SENP7: variants seen among roughly 807,000 people sequenced by gnomAD.
SENP7 encodes SUMO specific peptidase 7.
A neutral mutation model predicts 141.2 loss-of-function variants in SENP7; 64 were observed. The observed-to-expected ratio is 0.45, with a 90% CI of 0.37 to 0.56. SENP7 has a LOEUF of 0.56. Among genes scored for constraint, SENP7 ranks in the 20% least tolerant of loss-of-function variants. The pLI is 0.00. For missense variants in SENP7, 1,025 were observed against 1,212.2 expected, an observed-to-expected ratio of 0.85 and a Z score of 2.29; for synonymous variants, 382 against 426.4, an observed-to-expected ratio of 0.90 and a Z score of 1.28.
At chr3:101,471,089 T>C (rs1372670711) in intron 3 of SENP7, among the ~76,000 whole-genome samples, 1 of 152,220 alleles carries the variant, frequency 6.6e-6, no homozygotes, top group Non-Finnish European at 1.5e-5. Context: ...AAGTAATTTA[T>C]AGATTCAATG....
intron 6 of SENP7, among the ~76,000 whole-genome samples, chr3:101,392,512 T>C (rs1915310): frequency 0.4 from 60,486 of 151,848 alleles, 12,548 homozygotes; most frequent in Admixed American, 0.54. Context: ...AAATTGGAAA[T>C]TACAAAACAC....
chr3:101,418,254 T>A lies in SENP7; in HGVS notation c.285-464A>T, dbSNP rs535264100. Among the ~76,000 whole-genome samples, 175 of 152,238 alleles carry A rather than the reference T, an allele frequency of 1.1e-3. No homozygotes were observed. The Middle Eastern group carries it at 0.021, about 18-fold the overall frequency. ...GGCTATACAGTCTTAAGATACAGAT[T>A]TAATTTTATCTTATTTCTAAAATAG... On this transcript the variant is annotated intron_variant, in intron 4 of 23. Transcript: ENST00000394095.
At chr3:101,361,922 T>C (rs1224962045) in intron 10 of SENP7, 61 bp from the exon 11 acceptor site, 5 of 1,487,400 alleles carry the variant, frequency 3.4e-6, no homozygotes, top group Non-Finnish European at 4.5e-6. Flanking sequence ...ATGCTGAAAA[T>C]GACTTTCACC....
chr3:101,442,845 A>AT (rs2062732789), intron 4 of SENP7, among the ~76,000 whole-genome samples: 1 of 147,690 alleles, frequency 6.8e-6, no homozygotes, highest in African/African-American at 2.5e-5. Flanking sequence ...AACCAGTCAG[A>AT]CAAAAAAAAA....
chr3:101,361,783 G>A lies in SENP7; in HGVS notation c.1555C>T (p.Gln519Ter). 6.2e-7 allele frequency: 1 copy of A among 1,608,560 alleles called. No homozygotes were observed. The highest frequency in any genetic ancestry group is 8.5e-7 in the Non-Finnish European group (1 of 1,178,020). ...ACAGAAGTAAATATAAAATCCAGTT[G>A]TAGATCCATCTCATTACTAGGCATA... ...SIMPSNEMDLQLDFIFTSVYI... is the reference protein window; with the variant it reads ...SIMPSNEMDL Residue 519 changes from glutamine (Q) to a stop codon, truncating the protein, a stop_gained, in exon 11 of 24, where the codon CAA becomes TAA. Coordinates refer to ENST00000394095, the MANE Select transcript of SENP7 (RefSeq NM_020654.5). LOFTEE classifies it high-confidence loss of function.
rs989097471 is a variant in SENP7 at position 101,403,942 on chromosome 3, A to G, written c.483-4887T>C. On this transcript the variant is annotated intron_variant, in intron 5 of 23. Transcript: ENST00000394095. ...CAGAGAAGACACAAACAAATGGAAAAACATCCCAGGCTCATGGATAGAAAG... is the reference window on the plus strand; with the variant it reads ...CAGAGAAGACACAAACAAATGGAAAGACATCCCAGGCTCATGGATAGAAAG... 9.2e-5 allele frequency among the ~76,000 whole-genome samples: 14 copies of G among 152,178 alleles called. 1 individual carries two copies. The highest frequency in any genetic ancestry group is 5.2e-4 in the Admixed American group (8 of 15,276).
At chr3:101,366,790 A>C (rs1559725878) in intron 8 of SENP7, 21 bp from the exon 9 acceptor site, 1 of 1,495,536 alleles carries the variant, frequency 6.7e-7, no homozygotes, top group Non-Finnish European at 9.0e-7. Context: ...ACACATAGAA[A>C]AAAATAGCAT....
intron 5 of SENP7, among the ~76,000 whole-genome samples, chr3:101,401,373 A>T (rs1156505180): frequency 6.6e-6 from 1 of 151,694 alleles, no homozygotes; most frequent in Admixed American, 6.6e-5. Context: ...TACTAAAAAT[A>T]CAGAAATTAG....
At chr3:101,463,370 T>TATATATATATATATATATATATATATAC (rs1261889817) in intron 3 of SENP7, among the ~76,000 whole-genome samples, 61 of 83,554 alleles carry the variant, frequency 7.3e-4, no homozygotes, top group Non-Finnish European at 1.1e-3. Flanking sequence ...AATAAATATA[T>TATATATATATATATATATATATATATAC]ATATATATAT....
At chr3:101,381,101 C>T (rs115662134) in intron 6 of SENP7, among the ~76,000 whole-genome samples, 1,616 of 152,170 alleles carry the variant, frequency 0.011, 16 homozygotes, top group Middle Eastern at 0.031. Flanking sequence ...AATTCTAAGG[C>T]GAATGCATGG....
Position 101,492,909 on chromosome 3 carries a change from C to A in SENP7, c.186+964G>T, listed in dbSNP as rs962828785. Among the ~76,000 whole-genome samples, 4 of 151,984 alleles carry A rather than the reference C, an allele frequency of 2.6e-5. No homozygotes were observed. The East Asian group carries it at 7.7e-4, about 29-fold the overall frequency. On this transcript the variant is annotated intron_variant, in intron 3 of 23. Coordinates refer to ENST00000394095, the MANE Select transcript of SENP7 (RefSeq NM_020654.5). Reference sequence around the variant, plus strand: ...CAGGAGGCTGGGCAGCAAGATCACTCGAGCCCAGGAGTTCAAGGATTCAAT... The same window carrying A: ...CAGGAGGCTGGGCAGCAAGATCACTAGAGCCCAGGAGTTCAAGGATTCAAT...
rs1006894460 is a variant in SENP7, at chr3:101,398,982, T to G, written c.556A>C (p.Thr186Pro). The G allele has an allele frequency of 1.9e-6, 3 of 1,613,702 alleles. No individual in the cohort carries two copies. The highest frequency in any genetic ancestry group is 2.5e-6 in the Non-Finnish European group (3 of 1,179,788). The change falls in exon 6 of 24, where the codon ACT (threonine) becomes CCT (proline). Residue 186 changes from threonine to proline, a missense_variant. By Grantham distance (38) the Thr-to-Pro change is conservative (BLOSUM62 -1). Coordinates refer to ENST00000394095, the MANE Select transcript of SENP7 (RefSeq NM_020654.5). ...GRKYIRTPPV[T>P]EGSLSDTDNL... ...TCTGTATCACTCAAACTTCCCTCAG[T>G]TACAGGTGGGGTCCTTATGTATTTT...
At chr3:101,447,069 T>C (rs2062925581) in intron 4 of SENP7, among the ~76,000 whole-genome samples, 2 of 151,974 alleles carry the variant, frequency 1.3e-5, no homozygotes, top group Non-Finnish European at 2.9e-5. Flanking sequence ...ATTGATACCA[T>C]ACAAATACAA....
chr3:101,402,724 C>T (rs1167123991), intron 5 of SENP7, among the ~76,000 whole-genome samples: 3 of 151,694 alleles, frequency 2.0e-5, no homozygotes. Flanking sequence ...GCGTGGATCA[C>T]TGAATCACTT....
chr3:101,396,352 C>A (rs1444014618), intron 6 of SENP7, among the ~76,000 whole-genome samples: 3 of 152,136 alleles, frequency 2.0e-5, no homozygotes, highest in Non-Finnish European at 4.4e-5. Flanking sequence ...ATACAATCTT[C>A]AAAAGTGTGA....
chr3:101,395,599 T>C (rs948522082), intron 6 of SENP7, among the ~76,000 whole-genome samples: 1 of 152,254 alleles, frequency 6.6e-6, no homozygotes. Flanking sequence ...CACTCAGGAC[T>C]GCTTTGGCTA....
chr3:101,388,978 G>T (rs1411395215), intron 6 of SENP7, among the ~76,000 whole-genome samples: 1 of 151,838 alleles, frequency 6.6e-6, no homozygotes, highest in Admixed American at 6.6e-5. Flanking sequence ...AATGAAGAAA[G>T]CCTACATGAC....
At chr3:101,368,042 CA>C in intron 7 of SENP7, 31 bp from the exon 8 acceptor site, 1 of 1,529,562 alleles carries the variant, frequency 6.5e-7, no homozygotes, top group East Asian at 2.3e-5. Flanking sequence ...TAAATATGGA[CA>C]AAAAAGTATA....
At chr3:101,364,141 T>A (rs1458624639) in intron 10 of SENP7, among the ~76,000 whole-genome samples, 1 of 152,036 alleles carries the variant, frequency 6.6e-6, no homozygotes, top group Non-Finnish European at 1.5e-5. Context: ...ATGAGAGGGA[T>A]GCTTGAGCCC....
Sources: allele counts gnomAD v4.1 joint callset (sites outside exome capture counted in the v4.1 genomes callset), GRCh38; gene constraint gnomAD v4.1.1; transcripts MANE v1.5; gene names NCBI Gene and HGNC (gene_info 2026-07-23, HGNC 2026-07-21).